Variants in CCDC73 observed in about 807,000 individuals in gnomAD.
The protein encoded by CCDC73 is coiled-coil domain-containing protein 73.
A neutral mutation model predicts 116.5 loss-of-function variants in CCDC73; 95 were observed. The observed-to-expected ratio is 0.82, with a 90% CI of 0.69 to 0.97. CCDC73 has a LOEUF of 0.97. Among genes scored for constraint, CCDC73 ranks in the 50% least tolerant of loss-of-function variants. CCDC73 has a pLI of 0.00. For synonymous variants in CCDC73, 398 were observed against 401.3 expected (o/e 0.99, Z 0.10); for missense variants, 1,066 against 1,206.8 (o/e 0.88, Z 1.73).
At chr11:32,620,757 G>C (rs757647092) in intron 14 of CCDC73, among the ~76,000 whole-genome samples, 8 of 151,992 alleles carry the variant, frequency 5.3e-5, no homozygotes, top group Non-Finnish European at 1.0e-4. Flanking sequence ...AATCACTTTA[G>C]GCCATTTTAG....
chr11:32,818,236 G>A, the CCDC73 span, among the ~76,000 whole-genome samples: 11 of 152,156 alleles, frequency 7.2e-5, no homozygotes, highest in Admixed American at 7.2e-4. Flanking sequence ...GCCCTTTCGG[G>A]CCGTAAGTGT....
intron 17 of CCDC73, 128 bp downstream of exon 17, chr11:32,611,004 C>T (rs1411011083): frequency 1.2e-6 from 1 of 812,554 alleles, no homozygotes; most frequent in East Asian, 2.7e-5. Flanking sequence ...AAAATGGTGC[C>T]ATGTTGCCCT....
At chr11:32,705,385 T>C (rs935492686) in intron 3 of CCDC73, among the ~76,000 whole-genome samples, 5 of 152,092 alleles carry the variant, frequency 3.3e-5, no homozygotes, top group African/African-American at 1.2e-4. Context: ...CACCACCACA[T>C]TCCCCTCATC....
intron 14 of CCDC73, among the ~76,000 whole-genome samples, chr11:32,625,765 G>A (rs1264895960): frequency 6.6e-6 from 1 of 152,000 alleles, no homozygotes; most frequent in Non-Finnish European, 1.5e-5. Flanking sequence ...AAAGGCCTTT[G>A]ACAAAATTCA....
chr11:32,782,794 C>T (rs1214876213), intron 1 of CCDC73, among the ~76,000 whole-genome samples: 9 of 151,680 alleles, frequency 5.9e-5, no homozygotes, highest in African/African-American at 2.2e-4. Flanking sequence ...AGATGCTTCA[C>T]AGAAACAGTT....
chr11:32,704,619 C>A (rs1394702580), intron 3 of CCDC73, among the ~76,000 whole-genome samples: 2 of 152,192 alleles, frequency 1.3e-5, no homozygotes, highest in African/African-American at 4.8e-5. Context: ...GAAGGGATGT[C>A]CCTAGTGAAA....
At chr11:32,793,821 G>C (rs879595715) in intron 1 of CCDC73, among the ~76,000 whole-genome samples, 7 of 152,014 alleles carry the variant, frequency 4.6e-5, no homozygotes, top group African/African-American at 9.7e-5. Context: ...ATGTTGACCA[G>C]GCTGGTCTCA....
intron 12 of CCDC73, among the ~76,000 whole-genome samples, chr11:32,651,650 T>C (rs909951863): frequency 3.3e-5 from 5 of 152,192 alleles, no homozygotes; most frequent in African/African-American, 1.2e-4. Flanking sequence ...ATTTACAGAA[T>C]GTAAATTCAA....
chr11:32,808,456 T>G, the CCDC73 span, among the ~76,000 whole-genome samples: 1 of 152,134 alleles, frequency 6.6e-6, no homozygotes, highest in African/African-American at 2.4e-5. Flanking sequence ...CTGGCCAACA[T>G]GGTGAAACCC....
At chr11:32,786,751 G>A (rs1850633057) in intron 1 of CCDC73, among the ~76,000 whole-genome samples, 1 of 151,774 alleles carries the variant, frequency 6.6e-6, no homozygotes, top group South Asian at 2.1e-4. Context: ...ACTCTACAGT[G>A]GAAAGTAAGT....
intron 17 of CCDC73, chr11:32,603,317 A>G: frequency 3.8e-6 from 1 of 260,290 alleles, no homozygotes; most frequent in Non-Finnish European, 7.2e-6. Flanking sequence ...AAGGGCAGTG[A>G]GATATTTGGA....
intron 1 of CCDC73, among the ~76,000 whole-genome samples, chr11:32,789,006 A>G (rs1173036297): frequency 6.6e-6 from 1 of 152,236 alleles, no homozygotes; most frequent in Non-Finnish European, 1.5e-5. Flanking sequence ...ACTTTTAAAC[A>G]TACTATCCCA....
intron 6 of CCDC73, among the ~76,000 whole-genome samples, chr11:32,686,209 C>CAAAAAA (rs34582756): frequency 1.8e-5 from 1 of 56,858 alleles, no homozygotes. Flanking sequence ...GAGGGAAAGC[C>CAAAAAA]AAAAAAAAAA....
chr11:32,746,927 C>T (rs113857272), intron 2 of CCDC73, among the ~76,000 whole-genome samples: 4,541 of 152,200 alleles, frequency 0.03, 86 homozygotes, highest in Non-Finnish European at 0.039. Context: ...CTACTTCTGT[C>T]GACTTGTCAA....
chr11:32,690,782 C>T lies in CCDC73; in HGVS notation c.391-7208G>A, dbSNP rs189152395. 9.7e-4 allele frequency among the ~76,000 whole-genome samples: 147 copies of T among 152,266 alleles called. 1 individual carries two copies. The highest frequency in any genetic ancestry group is 1.9e-3 in the East Asian group (10 of 5,186). The stretch of plus-strand genomic sequence containing the variant: ...AAACCTCTTTTGTTCATAAATTACC[C>T]AGTCTCAGGTAGCTCTTTATAGCAA... On this transcript the variant is annotated intron_variant, in intron 6 of 17. Transcript: ENST00000335185.
intron 17 of CCDC73, among the ~76,000 whole-genome samples, chr11:32,608,650 C>A (rs1198271640): frequency 2.0e-5 from 3 of 152,146 alleles, no homozygotes; most frequent in Non-Finnish European, 4.4e-5. Context: ...CTAGCCAGCA[C>A]CCCAGTAGGG....
chr11:32,784,998 A>T (rs1218760999), intron 1 of CCDC73, among the ~76,000 whole-genome samples: 5 of 152,000 alleles, frequency 3.3e-5, no homozygotes. Flanking sequence ...ACACGGTGAA[A>T]CCCCATCTCT....
chr11:32,631,114 A>AT (rs1392559036), intron 14 of CCDC73, among the ~76,000 whole-genome samples: 1 of 152,250 alleles, frequency 6.6e-6, no homozygotes, highest in East Asian at 1.9e-4. Context: ...AAAGAGGAAG[A>AT]TAAGTTCACA....
At chr11:32,828,901 C>A in the CCDC73 span, among the ~76,000 whole-genome samples, 1 of 152,128 alleles carries the variant, frequency 6.6e-6, no homozygotes, top group Non-Finnish European at 1.5e-5. Flanking sequence ...AGGAAAAGAT[C>A]AAGATTTCAA....
Sources: gnomAD v4.1 joint callset for allele counts (sites outside exome capture counted in the v4.1 genomes callset) on GRCh38, gnomAD v4.1.1 for gene constraint, MANE v1.5 for transcripts, NCBI Gene and HGNC (gene_info 2026-07-23, HGNC 2026-07-21) for gene names.